DPP6: variants seen among roughly 807,000 people sequenced by gnomAD.
DPP6 encodes A-type potassium channel modulatory protein DPP6.
DPP6 carries 69 observed loss-of-function variants against 122.6 expected under a neutral mutation model. The ratio of observed to expected loss-of-function variants is 0.56; its 90% CI spans 0.46 to 0.69. The LOEUF (loss-of-function observed/expected upper bound fraction) is 0.69. Ranked by LOEUF, DPP6 falls within the 30% of genes least tolerant of loss-of-function variation. DPP6 has a pLI of 0.00. For missense variants in DPP6, 928 were observed against 1,116.9 expected, an observed-to-expected ratio of 0.83 and a Z score of 2.41; for synonymous variants, 418 against 433.1, an observed-to-expected ratio of 0.97 and a Z score of 0.43.
At chr7:154,762,067 T>C (rs1795595736) in intron 8 of DPP6, among the ~76,000 whole-genome samples, 1 of 152,178 alleles carries the variant, frequency 6.6e-6, no homozygotes, top group Non-Finnish European at 1.5e-5. Context: ...GAGTAGATGG[T>C]GCTAAACCAT....
chr7:154,589,735 G>A (rs943733812), intron 5 of DPP6, among the ~76,000 whole-genome samples: 2 of 152,136 alleles, frequency 1.3e-5, no homozygotes, highest in Non-Finnish European at 2.9e-5. Flanking sequence ...AATATTTAAC[G>A]ACCTTCAGAT....
intron 1 of DPP6, among the ~76,000 whole-genome samples, chr7:154,376,437 A>G (rs1053649637): frequency 6.6e-6 from 1 of 152,208 alleles, no homozygotes; most frequent in East Asian, 1.9e-4. Context: ...TTAGAAATAC[A>G]TAGTCTCTCA....
In DPP6 at chr7:154,042,392, C is replaced by T. The variant is rs150610184; in HGVS notation, c.51+154658C>T. ...CAATAAGACAGAAGAATACATGAACCATGCTCACAGGAAAATTTATATAGT... is the reference window on the plus strand; with the variant it reads ...CAATAAGACAGAAGAATACATGAACTATGCTCACAGGAAAATTTATATAGT... On this transcript the variant is annotated intron_variant, in intron 1 of 25. Coordinates refer to the DPP6 transcript ENST00000404039. Among the ~76,000 whole-genome samples, 428 of 152,268 alleles carry T rather than the reference C, an allele frequency of 2.8e-3. 4 individuals are homozygous for T. Among genetic ancestry groups the T allele is most frequent in the African/African-American group, 9.9e-3 (410 of 41,544 alleles).
In DPP6 at chr7:154,286,479, C is replaced by T. The variant is rs995425401; in HGVS notation, c.244-159735C>T. On this transcript the variant is annotated intron_variant, in intron 1 of 25. Coordinates refer to ENST00000377770, the MANE Select transcript of DPP6 (RefSeq NM_130797.4). ...GGCAAGCAGGAGCGTTTGTCCACTC[C>T]ATAGCCAGCCTTCATCTATCAGGGG... Among the ~76,000 whole-genome samples, 4 of 152,198 alleles carry T rather than the reference C, an allele frequency of 2.6e-5. No individual in the cohort carries two copies. The East Asian group carries it at 5.8e-4, about 22-fold the overall frequency.
intron 3 of DPP6, among the ~76,000 whole-genome samples, chr7:154,485,591 A>T (rs1264426907): frequency 6.6e-6 from 1 of 152,216 alleles, no homozygotes; most frequent in Non-Finnish European, 1.5e-5. Context: ...CTCTGAGCTA[A>T]GACAATTATT....
intron 1 of DPP6, among the ~76,000 whole-genome samples, chr7:154,174,884 T>G (rs1337371919): frequency 6.7e-6 from 1 of 150,362 alleles, no homozygotes; most frequent in Non-Finnish European, 1.5e-5. Flanking sequence ...CTTTCTTTTT[T>G]TTTTTGTTTT....
chr7:154,870,146 C>CTTTTTT (rs61457825), intron 18 of DPP6, among the ~76,000 whole-genome samples: 7 of 121,728 alleles, frequency 5.8e-5, no homozygotes, highest in East Asian at 2.6e-4. Context: ...CCAACTAATT[C>CTTTTTT]TTTTTTTTTT....
intron 1 of DPP6, among the ~76,000 whole-genome samples, chr7:154,297,973 C>T (rs193105521): frequency 2.4e-4 from 37 of 152,242 alleles, no homozygotes; most frequent in African/African-American, 7.5e-4. Flanking sequence ...AAACACCAGG[C>T]GACATGTTGC....
At chr7:154,034,055 C>T (rs1799392479) in intron 1 of DPP6, among the ~76,000 whole-genome samples, 2 of 152,170 alleles carry the variant, frequency 1.3e-5, no homozygotes, top group Non-Finnish European at 2.9e-5. Flanking sequence ...GTGAATGCCA[C>T]TATTCTAGTA....
chr7:154,668,104 C>T (rs1211971492), intron 6 of DPP6, among the ~76,000 whole-genome samples: 2 of 148,376 alleles, frequency 1.3e-5, no homozygotes, highest in African/African-American at 2.5e-5. Flanking sequence ...TTTGTTCATG[C>T]AACCCCTGAA....
the DPP6 span, among the ~76,000 whole-genome samples, chr7:153,831,617 A>T: frequency 2.0e-5 from 3 of 152,236 alleles, no homozygotes; most frequent in Non-Finnish European, 4.4e-5. Context: ...GTAAGCTATT[A>T]TGCCAATAAA....
intron 1 of DPP6, among the ~76,000 whole-genome samples, chr7:154,343,142 G>A (rs181153527): frequency 6.6e-6 from 1 of 152,326 alleles, no homozygotes; most frequent in Admixed American, 6.5e-5. Flanking sequence ...AAAAGAGGAA[G>A]GGAACTGCTG....
the DPP6 span, among the ~76,000 whole-genome samples, chr7:153,851,106 A>G: frequency 6.6e-6 from 1 of 152,196 alleles, no homozygotes; most frequent in African/African-American, 2.4e-5. Flanking sequence ...TGATCAGATT[A>G]TATATTCTTC....
rs1399077014 is a variant in DPP6 at position 154,063,398 on chromosome 7, T to G, written c.243+10335T>G. On this transcript the variant is annotated intron_variant, in intron 1 of 25. Coordinates refer to ENST00000377770, the MANE Select transcript of DPP6 (RefSeq NM_130797.4). Reference sequence around the variant, plus strand: ...CCCCACGAGGGTGGGGACTGAGAGCTATCCCCTCTTCCGCCCCTGGCTGTT... The same window carrying G: ...CCCCACGAGGGTGGGGACTGAGAGCGATCCCCTCTTCCGCCCCTGGCTGTT... Among the ~76,000 whole-genome samples the G allele has an allele frequency of 1.4e-4, 18 of 125,854 alleles. 3 individuals are homozygous for G. The highest frequency in any genetic ancestry group is 2.7e-4 in the Non-Finnish European group (16 of 59,254). The allele number at this position is 125,854 out of a possible 152,430, so 82.6% of individuals were successfully genotyped here. A position where few individuals can be genotyped will look rare whatever the true frequency, so the allele number is the denominator to read the frequency against.
rs140283908 is a variant in DPP6, at chr7:154,376,576, T to C, written c.244-69638T>C. Reference sequence around the variant, plus strand: ...AATGCCTGTGAATATGTGAACCGAATGAGAAACACATTTGTGTCCTAGAGC... The same window carrying C: ...AATGCCTGTGAATATGTGAACCGAACGAGAAACACATTTGTGTCCTAGAGC... On this transcript the variant is annotated intron_variant, in intron 1 of 25. Transcript: ENST00000377770. 4.7e-3 allele frequency among the ~76,000 whole-genome samples: 709 copies of C among 152,364 alleles called. 3 individuals are homozygous for C. Among genetic ancestry groups the C allele is most frequent in the South Asian group, 0.035 (171 of 4,826 alleles).
At chr7:153,875,290 A>T in the DPP6 span, among the ~76,000 whole-genome samples, 7 of 152,316 alleles carry the variant, frequency 4.6e-5, no homozygotes, top group Non-Finnish European at 1.0e-4. Flanking sequence ...GGAAAAATAT[A>T]AGGACATTTT....
At chr7:154,386,394 A>G (rs1456900216) in intron 1 of DPP6, among the ~76,000 whole-genome samples, 1 of 151,708 alleles carries the variant, frequency 6.6e-6, no homozygotes, top group African/African-American at 2.4e-5. Flanking sequence ...GCAGGAGGAG[A>G]CTGAACTTGG....
chr7:154,103,171 G>A (rs1400464874), intron 1 of DPP6, among the ~76,000 whole-genome samples: 1 of 152,154 alleles, frequency 6.6e-6, no homozygotes, highest in East Asian at 1.9e-4. Flanking sequence ...CTCAAGGGGA[G>A]CATCTCCTGA....
intron 1 of DPP6, among the ~76,000 whole-genome samples, chr7:153,976,971 A>G (rs1563067698): frequency 6.6e-6 from 1 of 152,198 alleles, no homozygotes. Flanking sequence ...GGTCCTGCTC[A>G]GGGGATAGCA....
Sources: allele counts gnomAD v4.1 joint callset (sites outside exome capture counted in the v4.1 genomes callset), GRCh38; gene constraint gnomAD v4.1.1; transcripts MANE v1.5; gene names NCBI Gene and HGNC (gene_info 2026-07-23, HGNC 2026-07-21).